Variants in GUCY1A2 observed in about 807,000 individuals in gnomAD.
GUCY1A2 encodes guanylate cyclase 1 soluble subunit alpha 2.
GUCY1A2 carries 27 observed loss-of-function variants against 63.5 expected under a neutral mutation model. The observed-to-expected ratio is 0.43, with a 90% confidence interval of 0.31 to 0.59. The LOEUF (loss-of-function observed/expected upper bound fraction) is 0.59, where lower values mean the gene tolerates loss of function less well. GUCY1A2 is among the 20% of genes least tolerant of loss of function. The pLI is 0.11. For synonymous variants in GUCY1A2, 364 were observed against 343.5 expected, an observed-to-expected ratio of 1.06 and a Z score of -0.66; for missense variants, 768 against 913.3, an observed-to-expected ratio of 0.84 and a Z score of 2.05.
chr11:106,994,617 T>C (rs1861512000), intron 1 of GUCY1A2, among the ~76,000 whole-genome samples: 1 of 152,194 alleles, frequency 6.6e-6, no homozygotes, highest in East Asian at 1.9e-4. Context: ...GATTTAATTA[T>C]CCACATTTCA....
chr11:106,739,666 A>T (rs1171858716), intron 6 of GUCY1A2, among the ~76,000 whole-genome samples: 1 of 152,106 alleles, frequency 6.6e-6, no homozygotes, highest in African/African-American at 2.4e-5. Context: ...GTTTCTTATT[A>T]TCTATAAAAC....
chr11:106,765,421 G>C (rs947389171), intron 6 of GUCY1A2, among the ~76,000 whole-genome samples: 2 of 152,082 alleles, frequency 1.3e-5, no homozygotes, highest in Non-Finnish European at 2.9e-5. Context: ...GTAATTTCTA[G>C]TTGTTGGTTC....
At chr11:106,927,957 T>C (rs770570173) in intron 4 of GUCY1A2, among the ~76,000 whole-genome samples, 1 of 152,104 alleles carries the variant, frequency 6.6e-6, no homozygotes, top group Non-Finnish European at 1.5e-5. Context: ...CATATTAAGA[T>C]AGTAAGATAA....
intron 6 of GUCY1A2, among the ~76,000 whole-genome samples, chr11:106,765,641 CT>C (rs35951673): frequency 2.0e-5 from 3 of 152,106 alleles, no homozygotes; most frequent in Admixed American, 1.3e-4. Context: ...CAAAGTAAGC[CT>C]TTTCTCCCCT....
rs566146562 is a variant in GUCY1A2, at chr11:106,682,677, T to C, written c.*4872A>G. 2.4e-5 allele frequency: 5 copies of C among 211,386 alleles called. No individual in the cohort carries two copies. The highest frequency in any genetic ancestry group is 4.8e-5 in the Non-Finnish European group (5 of 104,160). 13.1% of individuals were successfully genotyped at this position (211,386 alleles called of 1,614,324 possible). ...ACTTACTTCTTTCAATCATGAAACA[T>C]CTACATTCAATAAACACAGATGCAT... On this transcript the variant is annotated 3_prime_UTR_variant, in exon 8 of 8. Coordinates refer to ENST00000526355, the MANE Select transcript of GUCY1A2 (RefSeq NM_000855.3).
intron 3 of GUCY1A2, among the ~76,000 whole-genome samples, chr11:106,962,637 CAT>C (rs1861073815): frequency 6.6e-6 from 1 of 151,228 alleles, no homozygotes; most frequent in Non-Finnish European, 1.5e-5. Context: ...AGTTAAATCA[CAT>C]AGACAGAATA....
At chr11:106,946,309 AG>A (rs1409145022) in intron 3 of GUCY1A2, among the ~76,000 whole-genome samples, 1 of 152,184 alleles carries the variant, frequency 6.6e-6, no homozygotes, top group African/African-American at 2.4e-5. Context: ...TCCAAATACA[AG>A]GTCAAATATT....
At chr11:106,826,241 TTA>T (rs1386509333) in intron 4 of GUCY1A2, among the ~76,000 whole-genome samples, 1 of 152,194 alleles carries the variant, frequency 6.6e-6, no homozygotes, top group Non-Finnish European at 1.5e-5. Flanking sequence ...AACTTAGAAT[TTA>T]TGTTTTTATA....
chr11:106,980,466 C>T (rs182470926), intron 2 of GUCY1A2, among the ~76,000 whole-genome samples: 14 of 152,182 alleles, frequency 9.2e-5, no homozygotes, highest in South Asian at 4.2e-4. Flanking sequence ...CCAATACATC[C>T]GAAGAGAAAG....
chr11:106,845,894 C>T (rs920594672), intron 4 of GUCY1A2, among the ~76,000 whole-genome samples: 1 of 151,592 alleles, frequency 6.6e-6, no homozygotes, highest in Non-Finnish European at 1.5e-5. Context: ...GTTTTCCTTT[C>T]AACGAAAAGA....
chr11:106,781,573 G>GT (rs1298021159), intron 5 of GUCY1A2, among the ~76,000 whole-genome samples: 5 of 151,762 alleles, frequency 3.3e-5, no homozygotes, highest in Non-Finnish European at 7.4e-5. Flanking sequence ...TTGTTTTTTT[G>GT]TTTTTTTAAG....
At chr11:106,937,379 C>A (rs1860694343) in intron 4 of GUCY1A2, among the ~76,000 whole-genome samples, 2 of 151,732 alleles carry the variant, frequency 1.3e-5, no homozygotes, top group Admixed American at 1.3e-4. Flanking sequence ...AAATAGAAGC[C>A]AAATGAAATA....
At chr11:106,977,022 T>C (rs967796184) in intron 3 of GUCY1A2, among the ~76,000 whole-genome samples, 1 of 152,138 alleles carries the variant, frequency 6.6e-6, no homozygotes, top group Non-Finnish European at 1.5e-5. Context: ...CACCCCAATA[T>C]AATCATTATC....
At chr11:106,873,980 C>G (rs1049097100) in intron 4 of GUCY1A2, among the ~76,000 whole-genome samples, 4 of 152,096 alleles carry the variant, frequency 2.6e-5, no homozygotes, top group African/African-American at 4.8e-5. Context: ...TGTTCAAAGA[C>G]TAATTCAAAT....
At position 106,718,303 on chromosome 11, in the gene GUCY1A2, A is replaced by G. The variant is rs1032891926; in HGVS notation, c.1837-9637T>C. 3.3e-5 allele frequency among the ~76,000 whole-genome samples: 5 copies of G among 151,744 alleles called. No individual in the cohort carries two copies. In the East Asian group the frequency reaches 7.7e-4, roughly 23 times the overall value. ...AACACGGTAAAATTTTAAATAATTA[A>G]TATTTTACAGTTGGGGAAGAAAGTG... On this transcript the variant is annotated intron_variant, in intron 6 of 7. Transcript: ENST00000526355.
At chr11:106,735,785 A>T (rs960190041) in intron 6 of GUCY1A2, among the ~76,000 whole-genome samples, 4 of 152,076 alleles carry the variant, frequency 2.6e-5, no homozygotes, top group Non-Finnish European at 4.4e-5. Context: ...CCAGATCCTC[A>T]GCAGGATTCA....
chr11:106,876,580 T>A lies in GUCY1A2; in HGVS notation c.1206+62880A>T, dbSNP rs576211639. ...CAAATCATACATGACCAACCTCCTA[T>A]AAATACCATTTTCATAACAGTAGCC... On this transcript the variant is annotated intron_variant, in intron 4 of 7. Coordinates refer to ENST00000526355, the MANE Select transcript of GUCY1A2 (RefSeq NM_000855.3). Among the ~76,000 whole-genome samples, 6 of 152,152 alleles carry A rather than the reference T, an allele frequency of 3.9e-5. No individual in the cohort carries two copies. In the South Asian group the frequency reaches 1.2e-3, roughly 32 times the overall value.
At chr11:106,923,503 G>A (rs1435091312) in intron 4 of GUCY1A2, among the ~76,000 whole-genome samples, 1 of 152,162 alleles carries the variant, frequency 6.6e-6, no homozygotes, top group Non-Finnish European at 1.5e-5. Context: ...GGACTCCTTT[G>A]CAAGGCCCAC....
At chr11:107,005,333 G>A (rs1169543522) in intron 1 of GUCY1A2, among the ~76,000 whole-genome samples, 2 of 152,172 alleles carry the variant, frequency 1.3e-5, no homozygotes, top group African/African-American at 4.8e-5. Context: ...CCATTCAGTA[G>A]TGTGATCATA....
Sources: allele counts gnomAD v4.1 joint callset (sites outside exome capture counted in the v4.1 genomes callset), GRCh38; gene constraint gnomAD v4.1.1; transcripts MANE v1.5; gene names NCBI Gene and HGNC (gene_info 2026-07-23, HGNC 2026-07-21).